The following PIEZO1 variants were observed in gnomAD, a reference collection of about 807,000 sequenced individuals.
PIEZO1 encodes the protein piezo type mechanosensitive ion channel component 1 (Er blood group).
PIEZO1 carries 296 observed loss-of-function variants against 297.2 expected under a neutral mutation model. That is an observed-to-expected ratio of 1.00 (90% CI 0.91 to 1.10). The LOEUF is 1.10. Among genes scored for constraint, PIEZO1 ranks in the 50% least tolerant of loss-of-function variants. The pLI is 0.00. For synonymous variants in PIEZO1, 2,427 were observed against 1,507.5 expected (o/e 1.61, Z -14.13); for missense variants, 5,018 against 3,455.5 (o/e 1.45, Z -11.34).
chr16:88,726,940 C>A lies in PIEZO1; in HGVS notation c.3474G>T (p.Leu1158=), dbSNP rs368720309. The A allele has an allele frequency of 5.3e-4, 816 of 1,550,436 alleles. 1 individual carries two copies. The highest frequency in any genetic ancestry group is 6.1e-4 in the Non-Finnish European group (701 of 1,146,908). ...ACAGGTATCGGAAGACGGCCACCTT[C>A]AGCATGTCAAGGTAGGACCTGCCAG... is the stretch of plus-strand genomic sequence containing the variant. The part of the protein sequence containing the change: ...FIHCRSYLDM[L]KVAVFRYLFW... The change falls in exon 25 of 51, where the codon CTG becomes CTT. Residue 1158 remains leucine (L), a synonymous_variant. Coordinates refer to ENST00000301015, the MANE Select transcript of PIEZO1 (RefSeq NM_001142864.4).
In PIEZO1 at chr16:88,720,154, C is replaced by T. The variant is rs1221506488; in HGVS notation, c.6079G>A (p.Val2027Met). 19 of 1,550,356 alleles carry T rather than the reference C, an allele frequency of 1.2e-5. No homozygotes were observed. The highest frequency in any genetic ancestry group is 4.9e-5 in the East Asian group (2 of 40,938). ...ACCTGGAAGGCCAGCTTGCCCAGCA[C>T]GGTCTTGCGCAGGTAGAGGGCGCGG... is the stretch of plus-strand genomic sequence containing the variant. ...VDRALYLRKTVLGKLAFQVAL... is the reference protein window; with the variant it reads ...VDRALYLRKTMLGKLAFQVAL... Residue 2027 changes from valine to methionine, a missense_variant, in exon 42 of 51, where the codon GTG becomes ATG. Transcript: ENST00000301015.
At chr16:88,748,166 C>T (rs1906161773) in intron 2 of PIEZO1, among the ~76,000 whole-genome samples, 1 of 152,212 alleles carries the variant, frequency 6.6e-6, no homozygotes. Flanking sequence ...GACCTTCCTT[C>T]CTTTCAGTGG....
intron 1 of PIEZO1, among the ~76,000 whole-genome samples, chr16:88,764,224 C>T (rs978173593): frequency 3.9e-5 from 6 of 152,208 alleles, no homozygotes; most frequent in African/African-American, 4.8e-5. Flanking sequence ...CACGGGGTCT[C>T]GGCCACAGGA....
intron 44 of PIEZO1, chr16:88,717,852 G>C: frequency 2.3e-6 from 1 of 433,122 alleles, no homozygotes; most frequent in South Asian, 1.7e-5. Flanking sequence ...CAACCCAACT[G>C]CTGGGTGTGG....
intron 30 of PIEZO1, among the ~76,000 whole-genome samples, chr16:88,724,377 G>A (rs957792524): frequency 6.6e-6 from 1 of 151,966 alleles, no homozygotes; most frequent in African/African-American, 2.4e-5. Flanking sequence ...CTAAAAATAC[G>A]AAAATTAGCT....
At chr16:88,731,320 T>C (rs1199173483) in intron 22 of PIEZO1, 4 of 224,334 alleles carry the variant, frequency 1.8e-5, no homozygotes, top group Non-Finnish European at 3.5e-5. Context: ...TGTGGGGCTG[T>C]GGGCTCAGAC....
Position 88,723,309 on chromosome 16 carries a change from A to G in PIEZO1, c.4355T>C (p.Val1452Ala). ...CCTCAGCACCGCCTGGGCGTTGGTC[A>G]CCCATGCCTGGTACGCCAGCTGTCG... ...SAFQLAYQAWVTNAQAVLRRR... is the reference protein window; with the variant it reads ...SAFQLAYQAWATNAQAVLRRR... The change falls in exon 32 of 51, where the codon GTG becomes GCG. Residue 1452 changes from valine (V) to alanine (A), a missense_variant. By Grantham distance (64) the Val-to-Ala change is moderately conservative. Coordinates refer to ENST00000301015, the MANE Select transcript of PIEZO1 (RefSeq NM_001142864.4). 6.5e-7 allele frequency: 1 copy of G among 1,539,048 alleles called. No homozygotes were observed. Among genetic ancestry groups the G allele is most frequent in the Non-Finnish European group, 8.7e-7 (1 of 1,146,696 alleles).
chr16:88,716,225 C>A lies in PIEZO1; in HGVS notation c.7102G>T (p.Ala2368Ser). 1 of 1,497,934 alleles carries A rather than the reference C, an allele frequency of 6.7e-7. No individual in the cohort carries two copies. The highest frequency in any genetic ancestry group is 8.9e-7 in the Non-Finnish European group (1 of 1,118,192). 92.8% of individuals were successfully genotyped at this position (1,497,934 alleles called of 1,614,324 possible). Residue 2368 changes from alanine (A) to serine (S), a missense_variant, in exon 49 of 51, where the codon GCC becomes TCC. Physicochemically the swap from Ala to Ser is moderately conservative, Grantham distance 99. Transcript: ENST00000301015. ...GGCTGCAGCTGCTTCACAGGGTTGG[C>A]TTCGGGCCCGTTGGGGGCACGGATG... Reference protein sequence around the residue: ...KYIRAPNGPEANPVKQLQPNE... With the variant: ...KYIRAPNGPESNPVKQLQPNE...
intron 1 of PIEZO1, among the ~76,000 whole-genome samples, chr16:88,755,147 T>C (rs543430613): frequency 7.7e-4 from 118 of 152,272 alleles, no homozygotes; most frequent in African/African-American, 2.7e-3. Context: ...GGACCACGAC[T>C]GTCACCTCCA....
In PIEZO1 at chr16:88,723,177, C is replaced by T. The variant is rs915591150; in HGVS notation, c.4439-26G>A. 1.9e-6 allele frequency: 3 copies of T among 1,549,440 alleles called. No individual in the cohort carries two copies. In the African/African-American group the frequency reaches 4.1e-5, roughly 21 times the overall value. ...CTGGGCACAGGATGCTGGTGAGTGA[C>T]TGGCAGTCCCGCGGCTTCCCCTCAG... On this transcript the variant is annotated intron_variant, in intron 32 of 50. Coordinates refer to ENST00000301015, the MANE Select transcript of PIEZO1 (RefSeq NM_001142864.4).
chr16:88,723,260 C>T lies in PIEZO1; in HGVS notation c.4404G>A (p.Gln1468=). The T allele has an allele frequency of 6.5e-7, 1 of 1,543,610 alleles. No individual in the cohort carries two copies. Among genetic ancestry groups the T allele is most frequent in the Non-Finnish European group, 8.7e-7 (1 of 1,146,460 alleles). The change falls in exon 32 of 51, where the codon CAG becomes CAA. Residue 1468 remains glutamine, a synonymous_variant. Coordinates refer to ENST00000301015, the MANE Select transcript of PIEZO1 (RefSeq NM_001142864.4). The part of the protein sequence containing the change: ...VLRRRQQEQE[Q]ARQEQAGQLP... ...GCTGTCCTGCCTGTTCCTGCCTTGC[C>T]TGCTCCTGCTCCTGCTGCCGCCGCC...
chr16:88,736,805 C>A, intron 10 of PIEZO1, 66 bp from the exon 11 acceptor site: 1 of 1,051,766 alleles, frequency 9.5e-7, no homozygotes, highest in Non-Finnish European at 1.4e-6. Context: ...CTGACTATGC[C>A]CTAAAATCTG....
In PIEZO1 at chr16:88,748,474, A is replaced by AGG. The variant is rs79340391; in HGVS notation, c.160+908_160+909dup. On this transcript the variant is annotated intron_variant, in intron 2 of 50. Transcript: ENST00000301015. ...AGCTCAGACCCCAAGGTGGTTCCCA[A>AGG]GGGGGGTCTCAGCTCCCCCCCCCCC... 1.2e-3 allele frequency among the ~76,000 whole-genome samples: 169 copies of AGG among 138,286 alleles called. 1 individual carries two copies. The highest frequency in any genetic ancestry group is 7.3e-4 in the Non-Finnish European group (47 of 64,394). The allele number at this position is 138,286 out of a possible 152,430, so 90.7% of individuals were successfully genotyped here. A position where few individuals can be genotyped will look rare whatever the true frequency, so the allele number is the denominator to read the frequency against.
chr16:88,724,302 G>A (rs555644593), intron 30 of PIEZO1, among the ~76,000 whole-genome samples: 19 of 152,230 alleles, frequency 1.2e-4, no homozygotes, highest in African/African-American at 2.9e-4. Flanking sequence ...AGGCTGAGGC[G>A]GGCGGATCAC....
intron 30 of PIEZO1, among the ~76,000 whole-genome samples, chr16:88,724,798 G>A (rs913456887): frequency 6.6e-6 from 1 of 152,152 alleles, no homozygotes; most frequent in Non-Finnish European, 1.5e-5. Flanking sequence ...TCCCACTGTT[G>A]GAAGGGCTGG....
chr16:88,747,383 G>A (rs1343888628), intron 2 of PIEZO1, among the ~76,000 whole-genome samples: 1 of 152,190 alleles, frequency 6.6e-6, no homozygotes, highest in African/African-American at 2.4e-5. Flanking sequence ...AGGCATGATG[G>A]TGGGCGCCTG....
At position 88,725,668 on chromosome 16, in the gene PIEZO1, T is replaced by C. The variant is rs1279804740; in HGVS notation, c.3985A>G (p.Asn1329Asp). 1.3e-6 allele frequency: 2 copies of C among 1,545,932 alleles called. No homozygotes were observed. The highest frequency in any genetic ancestry group is 2.0e-5 in the Admixed American group (1 of 50,960). ...LLASRGFALYNAANLKSIDFH... is the reference protein window; with the variant it reads ...LLASRGFALYDAANLKSIDFH... ...TCAATGCTCTTGAGGTTGGCAGCGT[T>C]GTAGAGGGCGAAGCCCCTGTAGGGA... Residue 1329 changes from asparagine to aspartate, a missense_variant, in exon 28 of 51, where the codon AAC becomes GAC. Asn to Asp is a conservative substitution (Grantham distance 23). Transcript: ENST00000301015.
At chr16:88,763,552 AC>A (rs1391526420) in intron 1 of PIEZO1, among the ~76,000 whole-genome samples, 1 of 152,234 alleles carries the variant, frequency 6.6e-6, no homozygotes, top group African/African-American at 2.4e-5. Flanking sequence ...ACAGGAAGGC[AC>A]TGACATGCCT....
At position 88,722,251 on chromosome 16, in the gene PIEZO1, A is replaced by C; in HGVS notation, c.4922T>G (p.Leu1641Arg). 1 of 1,548,196 alleles carries C rather than the reference A, an allele frequency of 6.5e-7. No homozygotes were observed. The highest frequency in any genetic ancestry group is 1.2e-5 in the South Asian group (1 of 84,036). Residue 1641 changes from leucine (L) to arginine (R), a missense_variant, in exon 36 of 51, where the codon CTG becomes CGG. By Grantham distance (102) the Leu-to-Arg change is moderately radical. Coordinates refer to ENST00000301015, the MANE Select transcript of PIEZO1 (RefSeq NM_001142864.4). ...REAGASLYQG[L>R]MRTASELLLD... The stretch of plus-strand genomic sequence containing the variant: ...GAGCAGCTCGCTGGCCGTCCGCATC[A>C]GTCCCTGGTACAGAGAGGCACCAGC...
Sources: allele counts gnomAD v4.1 joint callset (sites outside exome capture counted in the v4.1 genomes callset), GRCh38; gene constraint gnomAD v4.1.1; transcripts MANE v1.5; gene names NCBI Gene and HGNC (gene_info 2026-07-23, HGNC 2026-07-21).